Variants in VPS4A observed in about 807,000 individuals in gnomAD.
The protein encoded by VPS4A is vacuolar protein sorting 4 homolog A, also known as vacuolar protein sorting-associated protein 4A.
VPS4A carries 20 observed loss-of-function variants against 52.3 expected under a neutral mutation model. The ratio of observed to expected loss-of-function variants is 0.38; its 90% CI spans 0.27 to 0.56. The LOEUF is 0.56. Ranked by LOEUF, VPS4A falls within the 20% of genes least tolerant of loss-of-function variation. VPS4A has a pLI of 0.72. For missense variants in VPS4A, 419 were observed against 575.9 expected, an observed-to-expected ratio of 0.73 and a Z score of 2.79; for synonymous variants, 293 against 227.7, an observed-to-expected ratio of 1.29 and a Z score of -2.58.
rs1034982520 is a variant in VPS4A, at chr16:69,320,883, G to A, written c.851+114G>A. 22 of 1,272,124 alleles carry A rather than the reference G, an allele frequency of 1.7e-5. No individual in the cohort carries two copies. Among genetic ancestry groups the A allele is most frequent in the East Asian group, 1.0e-4 (4 of 39,540 alleles). The allele number at this position is 1,272,124 out of a possible 1,614,324, so 78.8% of individuals were successfully genotyped here. A position where few individuals can be genotyped will look rare whatever the true frequency, so the allele number is the denominator to read the frequency against. On this transcript the variant is annotated intron_variant, in intron 8 of 10. Transcript: ENST00000254950. This position sits in a 1 kb window ranked among gnomAD's most constrained non-coding sequence, Gnocchi z 4.2. Reference sequence around the variant, plus strand: ...GGCCCCTTTTCCCTGGAGTCTTCCCGTCTGCCTGCCAAGCAGAGCCCTTTG... The same window carrying A: ...GGCCCCTTTTCCCTGGAGTCTTCCCATCTGCCTGCCAAGCAGAGCCCTTTG...
rs1180031926 is a variant in VPS4A at position 69,311,515 on chromosome 16, A to G, written c.4A>G (p.Thr2Ala). The change falls in exon 1 of 11, where the codon ACA becomes GCA. Residue 2 changes from threonine to alanine, a missense_variant. Thr to Ala is a moderately conservative substitution (Grantham distance 58, BLOSUM62 0). Around this residue, in one of 3 missense-constraint regions of VPS4A, gnomAD observed 131 missense variants for 165.4 expected, o/e 0.79. Transcript: ENST00000254950. M[T>A]TSTLQKAIDL... ...TGGGGCGGACCCAGGAGATGAAATGACAACGTCAACCCTCCAGGTACTTCG... is the reference window on the plus strand; with the variant it reads ...TGGGGCGGACCCAGGAGATGAAATGGCAACGTCAACCCTCCAGGTACTTCG... The G allele has an allele frequency of 1.5e-5, 21 of 1,358,766 alleles. No individual in the cohort carries two copies. Among genetic ancestry groups the G allele is most frequent in the Non-Finnish European group, 1.9e-5 (20 of 1,042,612 alleles). 84.2% of individuals were successfully genotyped at this position (1,358,766 alleles called of 1,614,324 possible).
chr16:69,324,488 T>C lies in VPS4A; in HGVS notation c.*179T>C, dbSNP rs1965558301. 5 of 648,248 alleles carry C rather than the reference T, an allele frequency of 7.7e-6. No individual in the cohort carries two copies. The East Asian group carries it at 1.4e-4, about 18-fold the overall frequency. The allele number at this position is 648,248 out of a possible 1,614,324, so 40.2% of individuals were successfully genotyped here. On this transcript the variant is annotated 3_prime_UTR_variant, in exon 11 of 11. Coordinates refer to ENST00000254950, the MANE Select transcript of VPS4A (RefSeq NM_013245.3). ...AAGGGCCTTGCAGCCACAGAGACAC[T>C]CCACTGCCCTGGGGCACACAGTGGA... is the stretch of plus-strand genomic sequence containing the variant.
intron 1 of VPS4A, among the ~76,000 whole-genome samples, chr16:69,315,373 A>G (rs1190345622): frequency 6.6e-6 from 1 of 152,192 alleles, no homozygotes; most frequent in Non-Finnish European, 1.5e-5. Context: ...TACTTTTCTT[A>G]CTGGAGCTAC....
chr16:69,311,483 C>A lies in VPS4A; in HGVS notation c.-29C>A. ...CGGACCGAGGCCGCAAGCAGCGCCG[C>A]GGGGTGTGGGGCGGACCCAGGAGAT... On this transcript the variant is annotated 5_prime_UTR_variant, in exon 1 of 11. Coordinates refer to ENST00000254950, the MANE Select transcript of VPS4A (RefSeq NM_013245.3). The A allele has an allele frequency of 7.6e-7, 1 of 1,321,022 alleles. No individual in the cohort carries two copies. Among genetic ancestry groups the A allele is most frequent in the Non-Finnish European group, 9.8e-7 (1 of 1,023,052 alleles). The allele number at this position is 1,321,022 out of a possible 1,614,324, so 81.8% of individuals were successfully genotyped here. A position where few individuals can be genotyped will look rare whatever the true frequency, so the allele number is the denominator to read the frequency against.
At chr16:69,319,067 T>C in intron 5 of VPS4A, 125 bp downstream of exon 5, 1 of 1,358,946 alleles carries the variant, frequency 7.4e-7, no homozygotes, top group South Asian at 1.4e-5. Flanking sequence ...CAGGCCTGGC[T>C]GCTCGCTGGT....
At chr16:69,314,567 A>G (rs2143246821) in intron 1 of VPS4A, among the ~76,000 whole-genome samples, 2 of 152,218 alleles carry the variant, frequency 1.3e-5, no homozygotes, top group South Asian at 4.1e-4. Context: ...CCAGCCATTC[A>G]TTGTAGGTAG....
intron 1 of VPS4A, among the ~76,000 whole-genome samples, 155 bp downstream of exon 1, chr16:69,311,687 T>G (rs970898271): frequency 3.3e-5 from 5 of 152,050 alleles, no homozygotes; most frequent in Non-Finnish European, 7.4e-5. Context: ...CGCCCGTGTC[T>G]GTTTCCACGC....
At chr16:69,322,332 G>A in intron 9 of VPS4A, 1 of 432,446 alleles carries the variant, frequency 2.3e-6, no homozygotes, top group Non-Finnish European at 4.1e-6. Flanking sequence ...GGTGAGACGT[G>A]ACAGTGTTAA....
At chr16:69,322,877 A>G (rs1023856051) in intron 10 of VPS4A, 177 bp downstream of exon 10, 26 of 625,094 alleles carry the variant, frequency 4.2e-5, no homozygotes, top group Non-Finnish European at 5.9e-5. Flanking sequence ...AGACCAGCCT[A>G]GCCAATATGG....
Position 69,316,271 on chromosome 16 carries a change from C to A in VPS4A, c.180C>A (p.Cys60Ter). ...DKAKESIRAK[C>*]VQYLDRAEKL... ...CCAAGGAGAGCATTCGAGCCAAGTG[C>A]GTGCAGTACCTAGACCGGGCCGAGA... The change falls in exon 3 of 11, where the codon TGC becomes TGA. Residue 60 changes from cysteine (C) to a stop codon, truncating the protein, a stop_gained. Transcript: ENST00000254950. LOFTEE classifies it high-confidence loss of function. 1.2e-6 allele frequency: 2 copies of A among 1,613,790 alleles called. No individual in the cohort carries two copies. Among genetic ancestry groups the A allele is most frequent in the Non-Finnish European group, 1.7e-6 (2 of 1,179,870 alleles).
At position 69,325,533 on chromosome 16, in the gene VPS4A, A is replaced by C. The variant is rs1309662982; in HGVS notation, c.*1224A>C. The C allele has an allele frequency of 2.6e-5, 4 of 152,158 alleles. No homozygotes were observed. Among genetic ancestry groups the C allele is most frequent in the Non-Finnish European group, 5.9e-5 (4 of 68,048 alleles). The allele number at this position is 152,158 out of a possible 1,614,324, so 9.4% of individuals were successfully genotyped here. A position where few individuals can be genotyped will look rare whatever the true frequency, so the allele number is the denominator to read the frequency against. On this transcript the variant is annotated 3_prime_UTR_variant, in exon 11 of 11. Coordinates refer to ENST00000254950, the MANE Select transcript of VPS4A (RefSeq NM_013245.3). ...GGCGGATCACAAGGTCAGGAAATCG[A>C]GAACATCCTGGCTAACACAGTGAAA...
At position 69,320,017 on chromosome 16, in the gene VPS4A, CG is replaced by C. The variant is rs1965491287; in HGVS notation, c.621-123del. 1.5e-6 allele frequency: 2 copies of C among 1,350,084 alleles called. No homozygotes were observed. Among genetic ancestry groups the C allele is most frequent in the African/African-American group, 2.9e-5 (2 of 68,260 alleles). The allele number at this position is 1,350,084 out of a possible 1,614,324, so 83.6% of individuals were successfully genotyped here. On this transcript the variant is annotated intron_variant, in intron 6 of 10. Coordinates refer to ENST00000254950, the MANE Select transcript of VPS4A (RefSeq NM_013245.3). This position sits in a 1 kb window ranked among gnomAD's most constrained non-coding sequence, Gnocchi z 4.2. Reference sequence around the variant, plus strand: ...GAGGGCTCCTCACCACCACGTTTTCCGCAATTCCGGCATGACCGTGGCCTGC... The same window carrying C: ...GAGGGCTCCTCACCACCACGTTTTCCCAATTCCGGCATGACCGTGGCCTGC...
At chr16:69,312,184 GTT>G (rs66469930) in intron 1 of VPS4A, among the ~76,000 whole-genome samples, 1 of 149,670 alleles carries the variant, frequency 6.7e-6, no homozygotes. Context: ...CCTTGGGCTA[GTT>G]TTTTTTTTTC....
intron 10 of VPS4A, among the ~76,000 whole-genome samples, chr16:69,323,943 C>CAAAAAAAAAAAAAAAAAAAAAAAAA (rs143292768): frequency 9.2e-6 from 1 of 108,682 alleles, no homozygotes. Flanking sequence ...GACTCCGTCT[C>CAAAAAAAAAAAAAAAAAAAAAAAAA]CAAAAAAAAA....
intron 1 of VPS4A, among the ~76,000 whole-genome samples, chr16:69,314,092 A>T (rs1965408525): frequency 6.7e-6 from 1 of 149,720 alleles, no homozygotes; most frequent in Non-Finnish European, 1.5e-5. Context: ...CAGCCTCCCA[A>T]GTAGCCGTAA....
intron 1 of VPS4A, among the ~76,000 whole-genome samples, chr16:69,314,201 C>T (rs28508597): frequency 0.17 from 25,344 of 151,630 alleles, 2,262 homozygotes; most frequent in Middle Eastern, 0.24. Context: ...TCCTGACCTC[C>T]GGTGATCCGC....
At chr16:69,318,981 C>G in intron 5 of VPS4A, 39 bp downstream of exon 5, 2 of 1,601,222 alleles carry the variant, frequency 1.2e-6, no homozygotes, top group South Asian at 1.1e-5. Flanking sequence ...TGTAAAAATT[C>G]CAGGCTTCCG....
Position 69,320,010 on chromosome 16 carries a change from C to T in VPS4A, c.621-131C>T, listed in dbSNP as rs565255728. 2.3e-6 allele frequency: 3 copies of T among 1,288,324 alleles called. No individual in the cohort carries two copies. Among genetic ancestry groups the T allele is most frequent in the East Asian group, 2.6e-5 (1 of 39,074 alleles). 79.8% of individuals were successfully genotyped at this position (1,288,324 alleles called of 1,614,324 possible). A position where few individuals can be genotyped will look rare whatever the true frequency, so the allele number is the denominator to read the frequency against. ...GTGGCCCGAGGGCTCCTCACCACCA[C>T]GTTTTCCGCAATTCCGGCATGACCG... On this transcript the variant is annotated intron_variant, in intron 6 of 10. Coordinates refer to ENST00000254950, the MANE Select transcript of VPS4A (RefSeq NM_013245.3). This position sits in a 1 kb window ranked among gnomAD's most constrained non-coding sequence, Gnocchi z 4.2.
In VPS4A at chr16:69,321,177, G is replaced by C; in HGVS notation, c.978G>C (p.Thr326=). 6.3e-7 allele frequency: 1 copy of C among 1,577,998 alleles called. No homozygotes were observed. Among genetic ancestry groups the C allele is most frequent in the Admixed American group, 1.8e-5 (1 of 55,252 alleles). Residue 326 remains threonine (T), a synonymous_variant, in exon 9 of 11, where the codon ACG becomes ACC. Coordinates refer to ENST00000254950, the MANE Select transcript of VPS4A (RefSeq NM_013245.3). This position sits in a 1 kb window ranked among gnomAD's most constrained non-coding sequence, Gnocchi z 4.5. The part of the protein sequence containing the change: ...DANIHELARK[T]EGYSGADISI... The stretch of plus-strand genomic sequence containing the variant: ...ACATCCACGAGCTGGCCCGGAAGAC[G>C]GAAGGCTACTCGGGCGCGGACATCA...
Sources: gnomAD v4.1 joint callset for allele counts (sites outside exome capture counted in the v4.1 genomes callset) on GRCh38, gnomAD v4.1.1 for gene constraint, gnomAD v4.1.1 regional missense constraint, Gnocchi (gnomAD v3.1) non-coding constraint, MANE v1.5 for transcripts, NCBI Gene and HGNC (gene_info 2026-07-23, HGNC 2026-07-21) for gene names.